Variants in PHF19 observed in about 807,000 individuals in gnomAD.
PHF19 encodes the protein PHD finger protein 19, also known as polycomb like 3.
A neutral mutation model predicts 79.8 loss-of-function variants in PHF19; 21 were observed. The observed-to-expected ratio is 0.26, with a 90% CI of 0.19 to 0.38. PHF19 has a LOEUF of 0.38. PHF19 is among the 10% of genes least tolerant of loss of function. The pLI is 1.00. For synonymous variants in PHF19, 273 were observed against 296.3 expected (o/e 0.92, Z 0.81); for missense variants, 445 against 744.2 (o/e 0.60, Z 4.68).
intron 1 of PHF19, among the ~76,000 whole-genome samples, chr9:120,875,684 A>T (rs568840633): frequency 1.3e-5 from 2 of 152,070 alleles, no homozygotes; most frequent in African/African-American, 4.8e-5. Context: ...CCTTGTGCTT[A>T]CCTCCACTAG....
Position 120,874,610 on chromosome 9 carries a change from C to G in PHF19, c.132G>C (p.Gln44His). 1 of 1,614,098 alleles carries G rather than the reference C, an allele frequency of 6.2e-7. No individual in the cohort carries two copies. Among genetic ancestry groups the G allele is most frequent in the Non-Finnish European group, 8.5e-7 (1 of 1,179,914 alleles). Residue 44 changes from glutamine to histidine, a missense_variant, in exon 2 of 15, where the codon CAG (glutamine) becomes CAC (histidine). This residue lies in a region of PHF19 where 50 missense variants were observed against 54.8 expected (regional missense o/e 0.91). Transcript: ENST00000373896. This position sits in a 1 kb window ranked among gnomAD's most constrained non-coding sequence, Gnocchi z 4.5. ...CATCTGTCCACCGGCACAGCACATA[C>G]TGGCCCTCCGTCAGTTTGGACATCA... ...KDLMSKLTEGQYVLCRWTDGL... is the reference protein window; with the variant it reads ...KDLMSKLTEGHYVLCRWTDGL...
At chr9:120,877,407 C>T (rs867166712), upstream of PHF19, 6 of 963,978 alleles carry the variant, frequency 6.2e-6, no homozygotes, top group Non-Finnish European at 7.4e-6. Flanking sequence ...GAGCCCGCGG[C>T]CGCCGGGCTC....
rs1453779020 is a variant in PHF19, at chr9:120,866,932, G to C, written c.648C>G (p.Cys216Trp). ...WYLRMLQCYR[C>W]RQWFHEACTQ... ...TGCAGGCCTCGTGGAACCACTGCCT[G>C]CACCGGTAACATTGCAGCATCCGCA... The change falls in exon 7 of 15, where the codon TGC (cysteine) becomes TGG (tryptophan). Residue 216 changes from cysteine to tryptophan, a missense_variant. Cys to Trp is a radical substitution (Grantham distance 215). Around this residue, in one of 5 missense-constraint regions of PHF19, gnomAD observed 167 missense variants for 375.8 expected, o/e 0.44. Transcript: ENST00000373896. This position sits in a 1 kb window ranked among gnomAD's most constrained non-coding sequence, Gnocchi z 5.2. The C allele has an allele frequency of 6.2e-7, 1 of 1,612,138 alleles. No homozygotes were observed. The highest frequency in any genetic ancestry group is 8.5e-7 in the Non-Finnish European group (1 of 1,178,166).
chr9:120,889,850 A>G (rs1254741264), intron 1 of PHF19, among the ~76,000 whole-genome samples: 1 of 152,142 alleles, frequency 6.6e-6, no homozygotes, highest in Non-Finnish European at 1.5e-5. Flanking sequence ...AAGAACTAAC[A>G]AGAAAGAAAG....
At chr9:120,880,640 A>G (rs930596259), upstream of PHF19, among the ~76,000 whole-genome samples, 15 of 152,364 alleles carry the variant, frequency 9.8e-5, no homozygotes, top group Middle Eastern at 3.4e-3. Context: ...GCATAGGTAC[A>G]GTGTGACACA....
chr9:120,886,156 T>C (rs1433552261), intron 1 of PHF19, among the ~76,000 whole-genome samples: 2 of 152,232 alleles, frequency 1.3e-5, no homozygotes, highest in African/African-American at 4.8e-5. Context: ...ACATCTGGGC[T>C]GGAGCTGCAC....
Position 120,869,193 on chromosome 9 carries a change from G to A in PHF19, c.603C>T (p.Gly201=), listed in dbSNP as rs758933516. The change falls in exon 6 of 15, where the codon GGC becomes GGT. Residue 201 remains glycine, a synonymous_variant. Transcript: ENST00000373896. This position sits in a 1 kb window ranked among gnomAD's most constrained non-coding sequence, Gnocchi z 5.8. ...TNQQQCYCYC[G]GPGEWYLRML... Reference sequence around the variant, plus strand: ...ACCCCCTGCCTTACTCTCCGGGCCCGCCGCAGTAGCAGTAGCATTGCTGCT... The same window carrying A: ...ACCCCCTGCCTTACTCTCCGGGCCCACCGCAGTAGCAGTAGCATTGCTGCT... 1.2e-6 allele frequency: 2 copies of A among 1,609,528 alleles called. No homozygotes were observed. Among genetic ancestry groups the A allele is most frequent in the East Asian group, 4.5e-5 (2 of 44,736 alleles).
chr9:120,869,914 C>A lies in PHF19; in HGVS notation c.396G>T (p.Ala132=), dbSNP rs765177570. ...TGAGCAGGGGCTGGTCAGCACTGCC[C>A]GCTATGGGGATGTGGCACTGCTGGT... The part of the protein sequence containing the change: ...GYHQQCHIPI[A]GSADQPLLTP... The change falls in exon 5 of 15, where the codon GCG becomes GCT. Residue 132 remains alanine, a synonymous_variant. Transcript: ENST00000373896. The surrounding 1 kb of genome is among the most constrained non-coding windows in gnomAD (Gnocchi z 5.8). 2 of 1,590,768 alleles carry A rather than the reference C, an allele frequency of 1.3e-6. No individual in the cohort carries two copies. Among genetic ancestry groups the A allele is most frequent in the Non-Finnish European group, 1.7e-6 (2 of 1,169,336 alleles).
At chr9:120,880,941 CAG>C (rs1469702331), upstream of PHF19, among the ~76,000 whole-genome samples, 2 of 152,122 alleles carry the variant, frequency 1.3e-5, no homozygotes, top group Non-Finnish European at 2.9e-5. Flanking sequence ...GCCTGGGTGA[CAG>C]AGAGAGACTT....
chr9:120,861,998 G>C lies in PHF19; in HGVS notation c.1138C>G (p.Pro380Ala). 6.2e-7 allele frequency: 1 copy of C among 1,612,704 alleles called. No homozygotes were observed. ...KRGKSKPGLL[P>A]HEFQQQKRRV... ...CTTTTCTGCTGCTGGAATTCGTGAG[G>C]CAACAAACTGTGGAGACAGAAGAGG... Residue 380 changes from proline (P) to alanine (A), a missense_variant, in exon 12 of 15, where the codon CCT becomes GCT. Physicochemically the swap from Pro to Ala is conservative, Grantham distance 27. Around this residue, in one of 5 missense-constraint regions of PHF19, gnomAD observed 83 missense variants for 85.5 expected, o/e 0.97. Transcript: ENST00000373896.
chr9:120,863,131 A>T (rs1588094989), intron 10 of PHF19: 1 of 199,114 alleles, frequency 5.0e-6, no homozygotes, highest in East Asian at 1.4e-4. Context: ...GACTGAAAGC[A>T]ACACCGGCTG....
intron 1 of PHF19, among the ~76,000 whole-genome samples, chr9:120,883,472 G>A (rs1038161301): frequency 4.6e-5 from 7 of 152,152 alleles, no homozygotes; most frequent in South Asian, 2.1e-4. Flanking sequence ...GGAAGCTCCC[G>A]GTCCAGCCGG....
At chr9:120,888,856 C>T (rs1235226551) in intron 1 of PHF19, among the ~76,000 whole-genome samples, 2 of 152,204 alleles carry the variant, frequency 1.3e-5, no homozygotes, top group East Asian at 3.9e-4. Context: ...CCCCTCACCA[C>T]TCACTCAAGA....
At chr9:120,861,874 G>T in intron 12 of PHF19, 44 bp downstream of exon 12, 1 of 1,348,914 alleles carries the variant, frequency 7.4e-7, no homozygotes, top group Non-Finnish European at 1.1e-6. Flanking sequence ...AATATGTGCT[G>T]ACCCTGCGTA....
At chr9:120,880,235 C>T (rs1224498085), upstream of PHF19, among the ~76,000 whole-genome samples, 4 of 152,246 alleles carry the variant, frequency 2.6e-5, no homozygotes, top group African/African-American at 7.2e-5. Flanking sequence ...TGGCTCATGC[C>T]TGTAATCCCA....
chr9:120,885,858 G>A (rs1000700420), intron 1 of PHF19, among the ~76,000 whole-genome samples: 2 of 152,208 alleles, frequency 1.3e-5, no homozygotes, highest in Non-Finnish European at 2.9e-5. Flanking sequence ...CCTGGGTGGA[G>A]GAATACCTAA....
chr9:120,894,484 C>T (rs2046379716), intron 1 of PHF19, among the ~76,000 whole-genome samples: 1 of 152,198 alleles, frequency 6.6e-6, no homozygotes, highest in Admixed American at 6.5e-5. Context: ...GGAGGTACCT[C>T]CCGGGTCCGT....
Position 120,866,489 on chromosome 9 carries a change from C to T in PHF19, c.710+381G>A, listed in dbSNP as rs550970408. ...AAGGACTCCATTAGCTTTGCTCCGT[C>T]GGTTAGAAGCCACATTAAGCCATCC... is the stretch of plus-strand genomic sequence containing the variant. On this transcript the variant is annotated intron_variant, in intron 7 of 14. Transcript: ENST00000373896. The surrounding 1 kb of genome is among the most constrained non-coding windows in gnomAD (Gnocchi z 5.2). 3.0e-4 allele frequency among the ~76,000 whole-genome samples: 45 copies of T among 152,276 alleles called. No individual in the cohort carries two copies. Among genetic ancestry groups the T allele is most frequent in the African/African-American group, 1.0e-3 (42 of 41,544 alleles).
Position 120,860,944 on chromosome 9 carries a change from G to A in PHF19, c.1304+145C>T. ...GAGGGCTGTGGTGCTCTGGGAACAG[G>A]GATGTTATGCTGAAAGCTCTACTGC... is the stretch of plus-strand genomic sequence containing the variant. On this transcript the variant is annotated intron_variant, in intron 13 of 14. Transcript: ENST00000373896. This position sits in a 1 kb window ranked among gnomAD's most constrained non-coding sequence, Gnocchi z 4.1. 1 of 640,204 alleles carries A rather than the reference G, an allele frequency of 1.6e-6. No individual in the cohort carries two copies. The highest frequency in any genetic ancestry group is 2.9e-6 in the Non-Finnish European group (1 of 348,500). The allele number at this position is 640,204 out of a possible 1,614,324, so 39.7% of individuals were successfully genotyped here. A position where few individuals can be genotyped will look rare whatever the true frequency, so the allele number is the denominator to read the frequency against.
Sources: allele counts gnomAD v4.1 joint callset (sites outside exome capture counted in the v4.1 genomes callset), GRCh38; gene constraint gnomAD v4.1.1; regional missense constraint gnomAD v4.1.1; non-coding constraint Gnocchi (gnomAD v3.1); transcripts MANE v1.5; gene names NCBI Gene and HGNC (gene_info 2026-07-23, HGNC 2026-07-21).